Variants in HDAC9 observed in about 807,000 individuals in gnomAD.
HDAC9 encodes MEF-2 interacting transcription repressor (MITR) protein.
HDAC9 carries 41 observed loss-of-function variants against 139.4 expected under a neutral mutation model. The observed-to-expected ratio is 0.29, with a 90% confidence interval of 0.23 to 0.38. The LOEUF (loss-of-function observed/expected upper bound fraction) is 0.38, where lower values mean the gene tolerates loss of function less well. Ranked by LOEUF, HDAC9 falls within the 10% of genes least tolerant of loss-of-function variation. The pLI is 1.00. For synonymous variants in HDAC9, 517 were observed against 476.2 expected (o/e 1.09, Z -1.12); for missense variants, 1,147 against 1,297.0 (o/e 0.88, Z 1.78).
intron 14 of HDAC9, among the ~76,000 whole-genome samples, chr7:18,757,337 A>G (rs901160323): frequency 6.6e-6 from 1 of 152,134 alleles, no homozygotes; most frequent in South Asian, 2.1e-4. Flanking sequence ...CTTGCCTGGT[A>G]TGTCACCACT....
At chr7:18,487,517 T>A (rs534554304) in intron 1 of HDAC9, among the ~76,000 whole-genome samples, 1 of 152,162 alleles carries the variant, frequency 6.6e-6, no homozygotes, top group Admixed American at 6.6e-5. Context: ...AGAGAAGTCC[T>A]GAAGTAGAGA....
chr7:18,144,819 A>G (rs1029964025), intron 1 of HDAC9, among the ~76,000 whole-genome samples: 3 of 152,076 alleles, frequency 2.0e-5, no homozygotes, highest in African/African-American at 4.8e-5. Context: ...TTTTGCTTGC[A>G]CAGTCACACA....
chr7:18,616,487 G>T lies in HDAC9; in HGVS notation c.665-12863G>T, dbSNP rs545607075. On this transcript the variant is annotated intron_variant, in intron 6 of 25. Coordinates refer to ENST00000686413, the MANE Select transcript of HDAC9 (RefSeq NM_178425.4). Reference sequence around the variant, plus strand: ...TTCAGGGGAGGCCTGAATGAATCTAGAGGTGAAATTTTGCCTTTTATATCC... The same window carrying T: ...TTCAGGGGAGGCCTGAATGAATCTATAGGTGAAATTTTGCCTTTTATATCC... 7.9e-5 allele frequency among the ~76,000 whole-genome samples: 12 copies of T among 152,238 alleles called. No homozygotes were observed. The South Asian group carries it at 2.5e-3, about 32-fold the overall frequency.
chr7:18,831,022 C>G (rs548142964), intron 19 of HDAC9, among the ~76,000 whole-genome samples: 1 of 152,296 alleles, frequency 6.6e-6, no homozygotes, highest in South Asian at 2.1e-4. Context: ...AAGCCAGAAA[C>G]TTAAGAAAAG....
At chr7:18,150,098 C>A (rs1167739651) in intron 1 of HDAC9, among the ~76,000 whole-genome samples, 1 of 146,420 alleles carries the variant, frequency 6.8e-6, no homozygotes, top group Non-Finnish European at 1.5e-5. Flanking sequence ...TTTTTAAGTG[C>A]ACAAATATTT....
At chr7:18,750,815 G>A (rs1788377815) in intron 14 of HDAC9, among the ~76,000 whole-genome samples, 1 of 152,170 alleles carries the variant, frequency 6.6e-6, no homozygotes, top group Non-Finnish European at 1.5e-5. Flanking sequence ...GAACATTCCT[G>A]TCTCACCTTT....
At chr7:18,652,136 A>G (rs896659929) in intron 11 of HDAC9, among the ~76,000 whole-genome samples, 2 of 152,100 alleles carry the variant, frequency 1.3e-5, no homozygotes, top group Non-Finnish European at 2.9e-5. Flanking sequence ...TTGTGCAATG[A>G]TGTCATTGCA....
At chr7:18,819,416 A>G (rs1390921930) in intron 17 of HDAC9, among the ~76,000 whole-genome samples, 1 of 152,258 alleles carries the variant, frequency 6.6e-6, no homozygotes, top group African/African-American at 2.4e-5. Context: ...ACACAAAAAT[A>G]AATCTGACAT....
At chr7:18,911,890 T>G (rs189420256) in intron 22 of HDAC9, among the ~76,000 whole-genome samples, 1 of 152,078 alleles carries the variant, frequency 6.6e-6, no homozygotes, top group Admixed American at 6.6e-5. Flanking sequence ...TTTAAAAATC[T>G]TTTGAGGCTT....
rs898541846 is a variant in HDAC9 at position 18,652,958 on chromosome 7, C to T, written c.1467+4275C>T. On this transcript the variant is annotated intron_variant, in intron 11 of 25. Transcript: ENST00000686413. ...TATTGAAATAAACAGTAATACAGGCCGGGTGCAATGGCTCATGCCTGTAAT... is the reference window on the plus strand; with the variant it reads ...TATTGAAATAAACAGTAATACAGGCTGGGTGCAATGGCTCATGCCTGTAAT... Among the ~76,000 whole-genome samples the T allele has an allele frequency of 5.9e-5, 9 of 151,892 alleles. No homozygotes were observed. The South Asian group carries it at 1.2e-3, about 21-fold the overall frequency.
chr7:18,720,628 A>G (rs1360625721), intron 12 of HDAC9, among the ~76,000 whole-genome samples: 2 of 131,870 alleles, frequency 1.5e-5, no homozygotes. Flanking sequence ...TTACCTTAGT[A>G]AAAAAAAAAA....
Position 18,644,785 on chromosome 7 carries a change from C to A in HDAC9, c.1027C>A (p.Gln343Lys), listed in dbSNP as rs1584526496. The change falls in exon 9 of 26, where the codon CAG (glutamine) becomes AAG (lysine). Residue 343 changes from glutamine (Q) to lysine (K), a missense_variant. Gln to Lys is a moderately conservative substitution (Grantham distance 53, BLOSUM62 1). Transcript: ENST00000686413. ...ITLGLPAVPS[Q>K]LNASNSLKEK... ...CTTGGGGCTTCCCGCAGTGCCATCC[C>A]AGCTCAATGTAAGTCATTGCACAGC... The A allele has an allele frequency of 6.2e-7, 1 of 1,611,014 alleles. No homozygotes were observed. Among genetic ancestry groups the A allele is most frequent in the Non-Finnish European group, 8.5e-7 (1 of 1,178,454 alleles).
chr7:18,718,393 C>T (rs942209362), intron 12 of HDAC9, among the ~76,000 whole-genome samples: 1 of 151,714 alleles, frequency 6.6e-6, no homozygotes, highest in African/African-American at 2.4e-5. Flanking sequence ...TGCCACGCCT[C>T]GCTAATTTTT....
intron 24 of HDAC9, among the ~76,000 whole-genome samples, chr7:18,975,029 T>A (rs148487402): frequency 1.4e-4 from 21 of 152,300 alleles, no homozygotes; most frequent in African/African-American, 4.8e-4. Context: ...CTGCTTTGAT[T>A]TGGGGCTACT....
At chr7:18,356,363 T>TTTTTTTG (rs1783286224) in intron 1 of HDAC9, among the ~76,000 whole-genome samples, 4 of 137,884 alleles carry the variant, frequency 2.9e-5, no homozygotes, top group East Asian at 2.1e-4. Context: ...CATAGGTTTT[T>TTTTTTTG]TTTTTTTTTT....
Position 18,311,376 on chromosome 7 carries a change from T to C in HDAC9, c.-42+20861T>C, listed in dbSNP as rs190076560. ...ATGAATCAACTTTTATTATATCTAA[T>C]AACTTGTGAGTTTTTATTCCCTTCC... On this transcript the variant is annotated intron_variant, in intron 1 of 3. Transcript: ENST00000413509. Among the ~76,000 whole-genome samples, 67 of 152,300 alleles carry C rather than the reference T, an allele frequency of 4.4e-4. 1 individual carries two copies. The East Asian group carries it at 0.01, about 24-fold the overall frequency.
At chr7:18,517,237 G>A (rs942082267) in intron 2 of HDAC9, among the ~76,000 whole-genome samples, 3 of 152,172 alleles carry the variant, frequency 2.0e-5, no homozygotes, top group East Asian at 1.9e-4. Flanking sequence ...TTAAGAGTCC[G>A]TCATTGTGAC....
At chr7:18,959,662 A>G (rs1783392825) in intron 24 of HDAC9, among the ~76,000 whole-genome samples, 1 of 152,198 alleles carries the variant, frequency 6.6e-6, no homozygotes, top group Non-Finnish European at 1.5e-5. Flanking sequence ...ACCAGGAATG[A>G]CATGGCACAT....
At chr7:18,896,877 CTA>C (rs1173773397) in intron 22 of HDAC9, among the ~76,000 whole-genome samples, 1 of 151,936 alleles carries the variant, frequency 6.6e-6, no homozygotes, top group African/African-American at 2.4e-5. Flanking sequence ...CAATGGGTAT[CTA>C]TGGAGAAATA....
Sources: allele counts gnomAD v4.1 joint callset (sites outside exome capture counted in the v4.1 genomes callset), GRCh38; gene constraint gnomAD v4.1.1; transcripts MANE v1.5; gene names NCBI Gene and HGNC (gene_info 2026-07-23, HGNC 2026-07-21).